RERG: variants seen among roughly 807,000 people sequenced by gnomAD.
The protein encoded by RERG is ras-related and estrogen-regulated growth inhibitor.
RERG carries 25 observed loss-of-function variants against 23.2 expected under a neutral mutation model. The ratio of observed to expected loss-of-function variants is 1.08; its 90% CI spans 0.79 to 1.50. The LOEUF (loss-of-function observed/expected upper bound fraction) is 1.50, where lower values mean the gene tolerates loss of function less well. Ranked by LOEUF, RERG falls within the 40% of genes most tolerant of loss-of-function variation. The pLI, the probability that RERG is intolerant of heterozygous loss-of-function variation, is 0.00. For missense variants in RERG, 253 were observed against 250.1 expected (o/e 1.01, Z -0.08); for synonymous variants, 81 against 89.1 (o/e 0.91, Z 0.51).
chr12:15,167,889 G>GCCTTTT (rs1436588953), intron 2 of RERG, among the ~76,000 whole-genome samples: 5 of 152,146 alleles, frequency 3.3e-5, no homozygotes, highest in Non-Finnish European at 7.3e-5. Context: ...AAGGCTTTCA[G>GCCTTTT]GTTGGTGACA....
At chr12:15,172,290 A>G (rs1353645976) in intron 2 of RERG, among the ~76,000 whole-genome samples, 3 of 152,176 alleles carry the variant, frequency 2.0e-5, no homozygotes. Flanking sequence ...AGATTCATCC[A>G]TGTTATAGCA....
intron 2 of RERG, among the ~76,000 whole-genome samples, chr12:15,150,659 CTT>C (rs1425884704): frequency 6.6e-6 from 1 of 152,158 alleles, no homozygotes; most frequent in East Asian, 1.9e-4. Flanking sequence ...GAAGCAGAGA[CTT>C]TAATTACTCA....
At chr12:15,206,788 T>C (rs1041475014) in intron 2 of RERG, among the ~76,000 whole-genome samples, 14 of 152,180 alleles carry the variant, frequency 9.2e-5, no homozygotes, top group Middle Eastern at 3.2e-3. Context: ...TATTCATTCA[T>C]ATCTTGGAAT....
At chr12:15,162,445 T>A (rs1241134112) in intron 2 of RERG, among the ~76,000 whole-genome samples, 1 of 152,176 alleles carries the variant, frequency 6.6e-6, no homozygotes, top group African/African-American at 2.4e-5. Context: ...AAGAACCCCA[T>A]TAGAGTTTTC....
intron 2 of RERG, among the ~76,000 whole-genome samples, chr12:15,192,031 C>T (rs1453644970): frequency 6.6e-6 from 1 of 152,182 alleles, no homozygotes; most frequent in Non-Finnish European, 1.5e-5. Flanking sequence ...TCTGTGTCCT[C>T]ACCCAAATCT....
At chr12:15,200,561 C>A (rs1272560425) in intron 2 of RERG, among the ~76,000 whole-genome samples, 2 of 151,996 alleles carry the variant, frequency 1.3e-5, no homozygotes, top group Admixed American at 6.6e-5. Context: ...TTCTACCCAA[C>A]CTGCCCTCAT....
intron 4 of RERG, 60 bp downstream of exon 4, chr12:15,111,284 G>T: frequency 7.4e-7 from 1 of 1,351,040 alleles, no homozygotes; most frequent in Non-Finnish European, 1.0e-6. Flanking sequence ...TTTGTTCATA[G>T]CATAGATTTC....
Position 15,221,381 on chromosome 12 carries a change from C to G in RERG, c.-301G>C, listed in dbSNP as rs892531096. The G allele has an allele frequency of 6.6e-6, 1 of 152,278 alleles. No individual in the cohort carries two copies. Among genetic ancestry groups the G allele is most frequent in the Non-Finnish European group, 1.5e-5 (1 of 68,086 alleles). 9.4% of individuals were successfully genotyped at this position (152,278 alleles called of 1,614,324 possible). The stretch of plus-strand genomic sequence containing the variant: ...GCCAGTGGCCCGGCGGGGGTCTCCT[C>G]ACTCGCGCTCGCTCCGACTAGCGGC... On this transcript the variant is annotated 5_prime_UTR_variant, in exon 1 of 5. Transcript: ENST00000256953.
intron 1 of RERG, 31 bp from the exon 2 acceptor site, chr12:15,217,634 G>A (rs1865461350): frequency 6.3e-6 from 4 of 638,598 alleles, no homozygotes; most frequent in South Asian, 1.9e-5. Flanking sequence ...GAATTCATAA[G>A]TGACTGGAAA....
intron 2 of RERG, among the ~76,000 whole-genome samples, chr12:15,169,920 A>G (rs909376408): frequency 2.5e-4 from 34 of 137,698 alleles, no homozygotes; most frequent in Admixed American, 8.1e-4. Flanking sequence ...TCTGCTAAAA[A>G]TGTGTGTGTG....
chr12:15,179,110 G>C lies in RERG; in HGVS notation c.61+38319C>G, dbSNP rs77000283. 7.5e-3 allele frequency among the ~76,000 whole-genome samples: 1,136 copies of C among 152,252 alleles called. 15 individuals are homozygous for C. Among genetic ancestry groups the C allele is most frequent in the African/African-American group, 0.026 (1,081 of 41,548 alleles). On this transcript the variant is annotated intron_variant, in intron 2 of 4. Coordinates refer to ENST00000256953, the MANE Select transcript of RERG (RefSeq NM_032918.3). The stretch of plus-strand genomic sequence containing the variant: ...AGCGCAAGAGAGAATGTATGTTTTG[G>C]GGGTAGGGAAGAGAAATGGGTAGTA...
intron 2 of RERG, among the ~76,000 whole-genome samples, chr12:15,182,607 G>A (rs1565530679): frequency 2.0e-5 from 3 of 152,148 alleles, no homozygotes; most frequent in Non-Finnish European, 1.5e-5. Flanking sequence ...TGAGCCAATT[G>A]TGATGCAATA....
At chr12:15,129,329 T>A (rs1864002871) in intron 2 of RERG, among the ~76,000 whole-genome samples, 1 of 151,528 alleles carries the variant, frequency 6.6e-6, no homozygotes, top group Admixed American at 6.6e-5. Context: ...GTCAGATCTT[T>A]AAAAAAGGGG....
At chr12:15,199,957 CCATT>C (rs2136140306) in intron 2 of RERG, among the ~76,000 whole-genome samples, 1 of 151,996 alleles carries the variant, frequency 6.6e-6, no homozygotes, top group South Asian at 2.1e-4. Flanking sequence ...AACTTTTGGG[CCATT>C]CAAACTAATA....
intron 2 of RERG, among the ~76,000 whole-genome samples, chr12:15,148,701 C>A (rs1555123924): frequency 2.6e-5 from 4 of 152,028 alleles, no homozygotes; most frequent in Non-Finnish European, 5.9e-5. Context: ...ACTACTAATT[C>A]CCCAGGAATT....
chr12:15,184,285 G>T (rs1864961607), intron 2 of RERG, among the ~76,000 whole-genome samples: 1 of 152,138 alleles, frequency 6.6e-6, no homozygotes, highest in Non-Finnish European at 1.5e-5. Context: ...ATACAGTAGT[G>T]ACAGGTAGTA....
chr12:15,121,185 T>C, intron 2 of RERG, 66 bp from the exon 3 acceptor site: 5 of 1,243,662 alleles, frequency 4.0e-6, no homozygotes, highest in Non-Finnish European at 5.8e-6. Context: ...CCTATCTTTT[T>C]AAGGAAAGCG....
chr12:15,148,847 G>GTTTTTTTTTTTTTTTTTTTTTTTTTT (rs56033971), intron 2 of RERG, among the ~76,000 whole-genome samples: 1 of 45,530 alleles, frequency 2.2e-5, no homozygotes, highest in African/African-American at 5.9e-5. Flanking sequence ...CTTTAACTCT[G>GTTTTTTTTTTTTTTTTTTTTTTTTTT]TTTTTTTTTT....
intron 2 of RERG, chr12:15,217,208 G>A: frequency 2.0e-6 from 1 of 504,776 alleles, no homozygotes; most frequent in Non-Finnish European, 3.5e-6. Context: ...CCTTTATCTT[G>A]TGTGTTATCA....
Sources: gnomAD v4.1 joint callset for allele counts (sites outside exome capture counted in the v4.1 genomes callset) on GRCh38, gnomAD v4.1.1 for gene constraint, MANE v1.5 for transcripts, NCBI Gene and HGNC (gene_info 2026-07-23, HGNC 2026-07-21) for gene names.